Variants in GULP1 observed in about 807,000 individuals in gnomAD.
GULP1 encodes PTB domain-containing engulfment adapter protein 1.
A neutral mutation model predicts 40.9 loss-of-function variants in GULP1; 19 were observed. The observed-to-expected ratio is 0.46, with a 90% confidence interval of 0.32 to 0.68. The LOEUF is 0.68. Ranked by LOEUF, GULP1 falls within the 30% of genes least tolerant of loss-of-function variation. The pLI is 0.03. For synonymous variants in GULP1, 119 were observed against 117.6 expected, an observed-to-expected ratio of 1.01 and a Z score of -0.08; for missense variants, 312 against 362.2, an observed-to-expected ratio of 0.86 and a Z score of 1.12.
intron 1 of GULP1, among the ~76,000 whole-genome samples, chr2:188,359,375 A>T (rs2045791577): frequency 6.6e-6 from 1 of 152,142 alleles, no homozygotes; most frequent in South Asian, 2.1e-4. Context: ...CGGGGCTGTG[A>T]TTGTATTTTA....
rs73978212 is a variant in GULP1 at position 188,323,855 on chromosome 2, A to T, written c.-172+31689A>T. 9.6e-3 allele frequency among the ~76,000 whole-genome samples: 1,453 copies of T among 151,524 alleles called. 25 individuals are homozygous for T. Among genetic ancestry groups the T allele is most frequent in the African/African-American group, 0.033 (1,360 of 41,262 alleles). On this transcript the variant is annotated intron_variant, in intron 1 of 11. Transcript: ENST00000409830. ...AATTTCAAATTTTTAAGTGGAGGGG[A>T]TTGCTGGCGTATCCTCTCAATTTTG... is the stretch of plus-strand genomic sequence containing the variant.
chr2:188,506,396 A>G (rs1227540492), intron 4 of GULP1, among the ~76,000 whole-genome samples: 1 of 151,976 alleles, frequency 6.6e-6, no homozygotes, highest in South Asian at 2.1e-4. Flanking sequence ...GTTGTTTTCT[A>G]TAATCTACCT....
intron 4 of GULP1, among the ~76,000 whole-genome samples, chr2:188,509,538 A>C (rs2064289020): frequency 1.3e-5 from 2 of 152,106 alleles, no homozygotes; most frequent in African/African-American, 4.8e-5. Context: ...TCAAGACCTG[A>C]AGAGTAGATT....
At chr2:188,463,126 A>G (rs531193317) in intron 2 of GULP1, among the ~76,000 whole-genome samples, 1 of 152,210 alleles carries the variant, frequency 6.6e-6, no homozygotes, top group Non-Finnish European at 1.5e-5. Context: ...ATCTTCATTA[A>G]CATTTCTTAT....
At chr2:188,493,243 T>G (rs2062580730) in intron 4 of GULP1, among the ~76,000 whole-genome samples, 1 of 152,078 alleles carries the variant, frequency 6.6e-6, no homozygotes. Flanking sequence ...GTTTGGATCT[T>G]TCTTTGCCTC....
At chr2:188,350,949 A>G (rs933569718) in intron 1 of GULP1, among the ~76,000 whole-genome samples, 8 of 152,172 alleles carry the variant, frequency 5.3e-5, no homozygotes, top group Non-Finnish European at 1.2e-4. Flanking sequence ...CCAAGTCTCA[A>G]CATGCTTGAA....
At position 188,584,285 on chromosome 2, in the gene GULP1, G is replaced by T. The variant is rs1273505815; in HGVS notation, c.630G>T (p.Lys210Asn). 5 of 1,607,940 alleles carry T rather than the reference G, an allele frequency of 3.1e-6. No individual in the cohort carries two copies. The African/African-American group carries it at 6.7e-5, about 22-fold the overall frequency. The change falls in exon 10 of 12, where the codon AAG becomes AAT. Residue 210 changes from lysine to asparagine, a missense_variant. Coordinates refer to ENST00000409830, the MANE Select transcript of GULP1 (RefSeq NM_016315.4). ...SAPPAGSMTP[K>N]SPSTDIFDMI... ...TGCAGGCAGGCAGTATGACACCTAA[G>T]TCGCCCTCCACTGACATCTTTGATA...
At chr2:188,458,454 C>A (rs184633434) in intron 2 of GULP1, among the ~76,000 whole-genome samples, 2 of 152,234 alleles carry the variant, frequency 1.3e-5, no homozygotes, top group East Asian at 1.9e-4. Context: ...TTTCTTTCAA[C>A]CAGTCAGGCT....
In GULP1 at chr2:188,438,855, A is replaced by G. The variant is rs188452113; in HGVS notation, c.-44-38804A>G. On this transcript the variant is annotated intron_variant, in intron 2 of 11. Coordinates refer to ENST00000409830, the MANE Select transcript of GULP1 (RefSeq NM_016315.4). ...TAATATTATTGATTTGTATGTTTTC[A>G]TGTCTGTAACAATAAACTGTGTTGC... 4.3e-3 allele frequency among the ~76,000 whole-genome samples: 649 copies of G among 152,152 alleles called. 16 individuals carry two copies. The highest frequency in any genetic ancestry group is 0.039 in the Admixed American group (590 of 15,250).
intron 2 of GULP1, among the ~76,000 whole-genome samples, chr2:188,432,128 A>G (rs1280292570): frequency 1.3e-5 from 2 of 151,648 alleles, no homozygotes; most frequent in Non-Finnish European, 1.5e-5. Context: ...TCAGCATTTT[A>G]TAGATAAGAA....
chr2:188,533,794 T>A (rs763356522), intron 6 of GULP1, among the ~76,000 whole-genome samples: 5 of 151,664 alleles, frequency 3.3e-5, no homozygotes, highest in African/African-American at 4.8e-5. Flanking sequence ...CAAAAAATAA[T>A]AATAACCCGA....
chr2:188,329,128 C>G (rs2041185997), intron 1 of GULP1, among the ~76,000 whole-genome samples: 1 of 149,988 alleles, frequency 6.7e-6, no homozygotes, highest in African/African-American at 2.5e-5. Flanking sequence ...CTCAAGGCAG[C>G]CCTCTCTATT....
chr2:188,516,293 C>T (rs2065164263), intron 4 of GULP1, among the ~76,000 whole-genome samples: 1 of 152,112 alleles, frequency 6.6e-6, no homozygotes, highest in African/African-American at 2.4e-5. Flanking sequence ...TATCATTTCC[C>T]TCAGAATTTG....
chr2:188,403,265 C>T (rs116379220), intron 2 of GULP1, among the ~76,000 whole-genome samples: 1,948 of 152,036 alleles, frequency 0.013, 42 homozygotes, highest in African/African-American at 0.044. Context: ...TACATGATTT[C>T]TAGTATATAT....
chr2:188,308,508 A>G (rs1319462830), intron 1 of GULP1, among the ~76,000 whole-genome samples: 1 of 152,228 alleles, frequency 6.6e-6, no homozygotes, highest in East Asian at 1.9e-4. Context: ...AAACCCACAG[A>G]ACATAAATGC....
At chr2:188,303,775 A>T (rs1490083211) in intron 1 of GULP1, among the ~76,000 whole-genome samples, 1 of 152,214 alleles carries the variant, frequency 6.6e-6, no homozygotes, top group Non-Finnish European at 1.5e-5. Context: ...TGTGCATATT[A>T]GTTTTTTTGC....
At chr2:188,336,641 C>A (rs1162659747) in intron 1 of GULP1, among the ~76,000 whole-genome samples, 1 of 152,096 alleles carries the variant, frequency 6.6e-6, no homozygotes, top group African/African-American at 2.4e-5. Flanking sequence ...ATGAGGTGGT[C>A]TGGAAAGTCT....
chr2:188,351,639 AT>A (rs2044461547), intron 1 of GULP1, among the ~76,000 whole-genome samples: 1 of 152,190 alleles, frequency 6.6e-6, no homozygotes, highest in African/African-American at 2.4e-5. Context: ...CTATATTTAT[AT>A]TAAAAATTTA....
chr2:188,329,298 A>G (rs72907664), intron 1 of GULP1, among the ~76,000 whole-genome samples: 1,746 of 152,040 alleles, frequency 0.011, 14 homozygotes, highest in Non-Finnish European at 0.02. Context: ...TCTTTATTCA[A>G]CTGCACTGTT....
Sources: allele counts gnomAD v4.1 joint callset (sites outside exome capture counted in the v4.1 genomes callset), GRCh38; gene constraint gnomAD v4.1.1; transcripts MANE v1.5; gene names NCBI Gene and HGNC (gene_info 2026-07-23, HGNC 2026-07-21).